Variants in ADGRL2 observed in about 807,000 individuals in gnomAD.
ADGRL2 encodes calcium-independent alpha-latrotoxin receptor 2.
Under a neutral mutation model 157.4 loss-of-function variants are expected in ADGRL2, and 44 were observed. The ratio of observed to expected loss-of-function variants is 0.28; its 90% CI spans 0.22 to 0.36. ADGRL2 has a LOEUF of 0.36. Among genes scored for constraint, ADGRL2 ranks in the 10% least tolerant of loss-of-function variants. The pLI, the probability that ADGRL2 is intolerant of heterozygous loss-of-function variation, is 1.00. For synonymous variants in ADGRL2, 585 were observed against 624.7 expected, an observed-to-expected ratio of 0.94 and a Z score of 0.95; for missense variants, 1,510 against 1,768.9, an observed-to-expected ratio of 0.85 and a Z score of 2.63.
chr1:81,943,461 G>T lies in ADGRL2; in HGVS notation c.902G>T (p.Arg301Leu), dbSNP rs746200328. The change falls in exon 6 of 24, where the codon CGA becomes CTA. Residue 301 changes from arginine (R) to leucine (L), a missense_variant. Coordinates refer to ENST00000686636, the MANE Select transcript of ADGRL2 (RefSeq NM_001366006.2). This position sits in a 1 kb window ranked among gnomAD's most constrained non-coding sequence, Gnocchi z 5.6. The part of the protein sequence containing the change: ...VISQLNPYTL[R>L]FEATWETVYD... The stretch of plus-strand genomic sequence containing the variant: ...AGCCAGCTGAATCCATACACTCTTC[G>T]ATTTGAAGCAACGTGGGAGACTGTA... The T allele has an allele frequency of 6.2e-7, 1 of 1,613,650 alleles. No individual in the cohort carries two copies. Among genetic ancestry groups the T allele is most frequent in the South Asian group, 1.1e-5 (1 of 91,076 alleles).
At chr1:81,889,228 G>A (rs2094203383) in intron 2 of ADGRL2, among the ~76,000 whole-genome samples, 1 of 152,248 alleles carries the variant, frequency 6.6e-6, no homozygotes, top group South Asian at 2.1e-4. Flanking sequence ...CATATCAAAA[G>A]CTTAGACAGA....
chr1:81,921,603 A>C (rs2094980298), intron 3 of ADGRL2, among the ~76,000 whole-genome samples: 1 of 152,194 alleles, frequency 6.6e-6, no homozygotes, highest in Non-Finnish European at 1.5e-5. Context: ...TGTTAGTGAT[A>C]GTTAAAGCAC....
At chr1:81,801,280 C>CA (rs2088058410) in intron 1 of ADGRL2, among the ~76,000 whole-genome samples, 1 of 152,228 alleles carries the variant, frequency 6.6e-6, no homozygotes, top group Admixed American at 6.5e-5. Flanking sequence ...TGACGCTGTA[C>CA]ACGCTAGTAT....
intron 3 of ADGRL2, among the ~76,000 whole-genome samples, chr1:81,924,790 A>G (rs1045095965): frequency 1.1e-4 from 17 of 152,132 alleles, no homozygotes; most frequent in African/African-American, 4.1e-4. Context: ...TTCTATTTCT[A>G]ATCCATTCTA....
intron 22 of ADGRL2, 52 bp from the exon 23 acceptor site, chr1:81,987,817 C>A: frequency 3.6e-6 from 1 of 274,910 alleles, no homozygotes; most frequent in Non-Finnish European, 7.6e-6. Flanking sequence ...GTAACTGCAG[C>A]TTCTCTTTTC....
intron 1 of ADGRL2, among the ~76,000 whole-genome samples, chr1:81,366,150 T>G (rs945908926): frequency 8.5e-5 from 13 of 152,132 alleles, no homozygotes; most frequent in African/African-American, 3.1e-4. Flanking sequence ...GCTCTTTCAG[T>G]GATGAATTTC....
intron 3 of ADGRL2, among the ~76,000 whole-genome samples, chr1:81,928,606 A>G (rs1038046691): frequency 9.8e-4 from 149 of 152,224 alleles, no homozygotes; most frequent in African/African-American, 3.4e-3. Context: ...ACTTATTAAC[A>G]TATAATTTAT....
intron 1 of ADGRL2, among the ~76,000 whole-genome samples, chr1:81,422,654 CTT>C (rs1394102490): frequency 1.3e-5 from 2 of 152,286 alleles, no homozygotes; most frequent in East Asian, 3.9e-4. Flanking sequence ...TAATTATACT[CTT>C]TTAAGAAATT....
At chr1:81,341,412 C>T (rs1327602) in intron 1 of ADGRL2, among the ~76,000 whole-genome samples, 87,405 of 151,754 alleles carry the variant, frequency 0.58, 25,545 homozygotes, top group African/African-American at 0.64. Flanking sequence ...AAAAATGATT[C>T]ATCAGTAGGG....
chr1:81,622,680 G>A (rs7546942), intron 3 of ADGRL2, among the ~76,000 whole-genome samples: 59,146 of 151,810 alleles, frequency 0.39, 11,979 homozygotes, highest in African/African-American at 0.49. Flanking sequence ...ACTTGAGGCT[G>A]GGAGTTTGAG....
chr1:81,401,753 T>C (rs1210279464), intron 1 of ADGRL2, among the ~76,000 whole-genome samples: 1 of 152,176 alleles, frequency 6.6e-6, no homozygotes, highest in Admixed American at 6.5e-5. Context: ...CTTTTCCAGA[T>C]GCCTGTTCGA....
At chr1:81,607,932 GT>G (rs1159900574) in intron 3 of ADGRL2, among the ~76,000 whole-genome samples, 2 of 152,126 alleles carry the variant, frequency 1.3e-5, no homozygotes, top group African/African-American at 4.8e-5. Context: ...AGTCCCTAGA[GT>G]TTATTCTCAA....
intron 14 of ADGRL2, 30 bp from the exon 15 acceptor site, chr1:81,969,148 C>T: frequency 1.3e-6 from 2 of 1,490,498 alleles, no homozygotes; most frequent in South Asian, 1.1e-5. Context: ...TGCAGGAATA[C>T]TAATGTTCCT....
chr1:81,528,508 G>C (rs2079520322), intron 2 of ADGRL2, among the ~76,000 whole-genome samples: 2 of 152,094 alleles, frequency 1.3e-5, no homozygotes, highest in South Asian at 4.2e-4. Flanking sequence ...TTAGCCGGGC[G>C]CTGTGGCAGG....
chr1:81,695,780 GC>G (rs1463700302), upstream of ADGRL2, among the ~76,000 whole-genome samples: 1 of 150,690 alleles, frequency 6.6e-6, no homozygotes, highest in Admixed American at 6.6e-5. Context: ...GAGAGATTAT[GC>G]CACTACACTC....
intron 3 of ADGRL2, among the ~76,000 whole-genome samples, chr1:81,615,221 C>T (rs1460265082): frequency 6.6e-6 from 1 of 152,050 alleles, no homozygotes; most frequent in Non-Finnish European, 1.5e-5. Flanking sequence ...GGACTGTAAA[C>T]ACACCAATCA....
intron 2 of ADGRL2, among the ~76,000 whole-genome samples, chr1:81,551,071 A>G (rs981695643): frequency 6.6e-6 from 1 of 152,152 alleles, no homozygotes; most frequent in Non-Finnish European, 1.5e-5. Context: ...TTCATTTTCT[A>G]TGCAATGAGG....
chr1:81,752,887 G>C (rs2085536109), intron 1 of ADGRL2, among the ~76,000 whole-genome samples: 1 of 152,106 alleles, frequency 6.6e-6, no homozygotes, highest in Admixed American at 6.5e-5. Context: ...CCCAGAGAAA[G>C]AAAATTTAGT....
chr1:81,969,125 C>T, intron 14 of ADGRL2, 53 bp from the exon 15 acceptor site: 1 of 1,274,522 alleles, frequency 7.8e-7, no homozygotes, highest in Non-Finnish European at 1.1e-6. Flanking sequence ...TGTCTTTCTT[C>T]TAGTTGATGT....
Sources: allele counts gnomAD v4.1 joint callset (sites outside exome capture counted in the v4.1 genomes callset), GRCh38; gene constraint gnomAD v4.1.1; non-coding constraint Gnocchi (gnomAD v3.1); transcripts MANE v1.5; gene names NCBI Gene and HGNC (gene_info 2026-07-23, HGNC 2026-07-21).